Variants in RORA observed in about 807,000 individuals in gnomAD.
RORA encodes the protein RAR related orphan receptor A, also known as nuclear receptor ROR-alpha.
Under a neutral mutation model 69.5 loss-of-function variants are expected in RORA, and 7 were observed. That is an observed-to-expected ratio of 0.10 (90% CI 0.06 to 0.19). The LOEUF (loss-of-function observed/expected upper bound fraction) is 0.19. Among genes scored for constraint, RORA ranks in the 10% least tolerant of loss-of-function variants. RORA has a pLI of 1.00. For missense variants in RORA, 457 were observed against 663.0 expected (o/e 0.69, Z 3.41); for synonymous variants, 261 against 240.8 (o/e 1.08, Z -0.78).
At chr15:60,586,701 A>T (rs1371933976) in intron 2 of RORA, among the ~76,000 whole-genome samples, 1 of 152,200 alleles carries the variant, frequency 6.6e-6, no homozygotes. Context: ...GTTCCAGCAT[A>T]ACCAGATAAC....
At chr15:61,160,257 T>C (rs564798538) in intron 1 of RORA, among the ~76,000 whole-genome samples, 30 of 152,222 alleles carry the variant, frequency 2.0e-4, no homozygotes, top group Non-Finnish European at 2.8e-4. Context: ...CCATTACTGA[T>C]GCTCATAAAG....
At chr15:61,180,284 G>A (rs1346616527) in intron 1 of RORA, among the ~76,000 whole-genome samples, 1 of 152,062 alleles carries the variant, frequency 6.6e-6, no homozygotes, top group Non-Finnish European at 1.5e-5. Flanking sequence ...ATCATCAATG[G>A]CTTCATTTAT....
intron 1 of RORA, among the ~76,000 whole-genome samples, chr15:60,798,663 C>T (rs145315336): frequency 1.2e-3 from 183 of 152,150 alleles, no homozygotes; most frequent in African/African-American, 4.1e-3. Flanking sequence ...AGCAAACCCT[C>T]TCACCCTAAC....
intron 1 of RORA, among the ~76,000 whole-genome samples, chr15:60,921,693 CA>C (rs1892053400): frequency 6.6e-6 from 1 of 152,126 alleles, no homozygotes; most frequent in Admixed American, 6.5e-5. Flanking sequence ...AAAGAAAAAA[CA>C]GGGTTCAATT....
chr15:61,044,238 C>A (rs1896918886), intron 1 of RORA, among the ~76,000 whole-genome samples: 1 of 152,182 alleles, frequency 6.6e-6, no homozygotes, highest in South Asian at 2.1e-4. Flanking sequence ...AAGATTCATG[C>A]CTTTCAGACT....
intron 2 of RORA, among the ~76,000 whole-genome samples, chr15:60,630,280 C>T (rs144935536): frequency 6.6e-6 from 1 of 152,352 alleles, no homozygotes; most frequent in South Asian, 2.1e-4. Context: ...TATACAGATT[C>T]TGTCTAGAAC....
At chr15:60,607,333 A>C (rs1367105300) in intron 2 of RORA, among the ~76,000 whole-genome samples, 1 of 152,198 alleles carries the variant, frequency 6.6e-6, no homozygotes, top group African/African-American at 2.4e-5. Context: ...GACTTACATA[A>C]TATATTTTGA....
intron 1 of RORA, among the ~76,000 whole-genome samples, chr15:61,196,697 C>A (rs1363832212): frequency 1.3e-5 from 2 of 152,202 alleles, no homozygotes; most frequent in Non-Finnish European, 2.9e-5. Flanking sequence ...TGCACATGTG[C>A]ACAGAGCATC....
intron 1 of RORA, among the ~76,000 whole-genome samples, chr15:61,004,257 GAGAGAGA>G (rs1894839156): frequency 6.6e-6 from 1 of 150,662 alleles, no homozygotes; most frequent in Non-Finnish European, 1.5e-5. Context: ...GGAGAGAGAG[GAGAGAGA>G]AGAGAGAGGG....
chr15:60,946,558 A>G (rs1892883624), intron 1 of RORA, among the ~76,000 whole-genome samples: 1 of 152,186 alleles, frequency 6.6e-6, no homozygotes, highest in South Asian at 2.1e-4. Context: ...ACGGAGTCTC[A>G]TTCACTCAGT....
intron 1 of RORA, among the ~76,000 whole-genome samples, chr15:61,117,241 C>T (rs1478328476): frequency 2.0e-5 from 3 of 148,914 alleles, no homozygotes; most frequent in East Asian, 3.9e-4. Context: ...CAAAACTCTC[C>T]AGGATTGCAA....
At chr15:60,616,796 T>G (rs543041438) in intron 2 of RORA, among the ~76,000 whole-genome samples, 1 of 152,346 alleles carries the variant, frequency 6.6e-6, no homozygotes, top group South Asian at 2.1e-4. Flanking sequence ...TCAGCTCGAC[T>G]AGCTGCAAGG....
chr15:61,145,979 A>G (rs2079343303), intron 1 of RORA, among the ~76,000 whole-genome samples: 1 of 152,210 alleles, frequency 6.6e-6, no homozygotes, highest in Non-Finnish European at 1.5e-5. Flanking sequence ...CATCAGGACA[A>G]TTTACTTAAC....
chr15:60,776,243 A>G (rs1261605493), intron 1 of RORA, among the ~76,000 whole-genome samples: 2 of 152,206 alleles, frequency 1.3e-5, no homozygotes, highest in Non-Finnish European at 2.9e-5. Context: ...CACTCTTATT[A>G]GACACACTTC....
At chr15:60,571,410 A>C (rs759957337) in intron 2 of RORA, among the ~76,000 whole-genome samples, 4 of 152,164 alleles carry the variant, frequency 2.6e-5, no homozygotes, top group Non-Finnish European at 4.4e-5. Flanking sequence ...AACTAGAATT[A>C]GTTTTTTCTC....
At chr15:61,196,137 C>T (rs1056738164) in intron 1 of RORA, among the ~76,000 whole-genome samples, 2 of 152,204 alleles carry the variant, frequency 1.3e-5, no homozygotes, top group African/African-American at 2.4e-5. Context: ...CAATTCAAAT[C>T]CAGATCTGAC....
intron 1 of RORA, among the ~76,000 whole-genome samples, chr15:60,978,961 C>CTTTTTTTTT (rs543353825): frequency 0.015 from 1,398 of 95,014 alleles, 131 homozygotes; most frequent in African/African-American, 0.023. Context: ...CAACTTTGCT[C>CTTTTTTTTT]TTTTTTTTTT....
intron 1 of RORA, among the ~76,000 whole-genome samples, chr15:61,166,358 C>T (rs191570258): frequency 4.6e-5 from 7 of 152,178 alleles, no homozygotes; most frequent in Non-Finnish European, 7.4e-5. Context: ...AATTTCCCCA[C>T]GTCAGCCTTG....
intron 1 of RORA, among the ~76,000 whole-genome samples, chr15:60,783,084 G>C (rs1015995452): frequency 6.6e-6 from 1 of 152,140 alleles, no homozygotes; most frequent in Non-Finnish European, 1.5e-5. Flanking sequence ...TCCAGAAGGA[G>C]CCTAATGTTC....
Sources: gnomAD v4.1 joint callset for allele counts (sites outside exome capture counted in the v4.1 genomes callset) on GRCh38, gnomAD v4.1.1 for gene constraint, MANE v1.5 for transcripts, NCBI Gene and HGNC (gene_info 2026-07-23, HGNC 2026-07-21) for gene names.